The following PPFIA2 variants were observed in gnomAD, a reference collection of about 807,000 sequenced individuals.
The protein encoded by PPFIA2 is liprin-alpha-2.
Under a neutral mutation model 175.5 loss-of-function variants are expected in PPFIA2, and 46 were observed. The observed-to-expected ratio is 0.26, with a 90% confidence interval of 0.21 to 0.34. The LOEUF (loss-of-function observed/expected upper bound fraction) is 0.34. Ranked by LOEUF, PPFIA2 falls within the 10% of genes least tolerant of loss-of-function variation. The probability of loss-of-function intolerance (pLI) is 1.00; values close to 1 mark genes in which losing one functional copy is unlikely to be tolerated. For synonymous variants in PPFIA2, 568 were observed against 511.4 expected, an observed-to-expected ratio of 1.11 and a Z score of -1.49; for missense variants, 1,179 against 1,506.1, an observed-to-expected ratio of 0.78 and a Z score of 3.60.
intron 4 of PPFIA2, among the ~76,000 whole-genome samples, chr12:81,624,149 T>C (rs910158695): frequency 2.0e-5 from 3 of 151,842 alleles, no homozygotes; most frequent in Admixed American, 2.0e-4. Flanking sequence ...ATGCTCTTCT[T>C]AGAGTAGTTG....
Position 81,758,421 on chromosome 12 carries a change from C to A in PPFIA2, c.-24G>T. 1 of 456,528 alleles carries A rather than the reference C, an allele frequency of 2.2e-6. No individual in the cohort carries two copies. The highest frequency in any genetic ancestry group is 1.5e-5 in the South Asian group (1 of 64,558). 28.3% of individuals were successfully genotyped at this position (456,528 alleles called of 1,614,324 possible). A position where few individuals can be genotyped will look rare whatever the true frequency, so the allele number is the denominator to read the frequency against. ...GTACCTAATGTCTGTGATTTCGGGT[C>A]CTTGCTTCTTCAATTGATCAATGAC... On this transcript the variant is annotated 5_prime_UTR_variant, in exon 2 of 33. Coordinates refer to ENST00000549396, the MANE Select transcript of PPFIA2 (RefSeq NM_003625.5).
intron 3 of PPFIA2, among the ~76,000 whole-genome samples, chr12:81,689,124 T>TAA (rs78936066): frequency 5.1e-4 from 76 of 149,852 alleles, no homozygotes; most frequent in East Asian, 7.9e-4. Flanking sequence ...ATCTTAAATT[T>TAA]AAAAAAAAAC....
intron 4 of PPFIA2, among the ~76,000 whole-genome samples, chr12:81,648,383 C>G (rs2066489692): frequency 6.6e-6 from 1 of 151,828 alleles, no homozygotes; most frequent in South Asian, 2.1e-4. Flanking sequence ...ATAGTGTATA[C>G]AGTAAGATTG....
chr12:81,463,232 CAG>C (rs1412565640), intron 4 of PPFIA2, among the ~76,000 whole-genome samples: 1 of 151,978 alleles, frequency 6.6e-6, no homozygotes, highest in Non-Finnish European at 1.5e-5. Flanking sequence ...AGGTAAGAAA[CAG>C]AATACAATGT....
chr12:81,587,203 G>T (rs1230726639), intron 4 of PPFIA2, among the ~76,000 whole-genome samples: 2 of 151,968 alleles, frequency 1.3e-5, no homozygotes, highest in Non-Finnish European at 2.9e-5. Flanking sequence ...CATGTAGAGG[G>T]AAGGACCTGT....
rs568915056 is a variant in PPFIA2 at position 81,268,162 on chromosome 12, G to A, written c.3311-75C>T. 1.1e-4 allele frequency: 104 copies of A among 988,884 alleles called. 2 individuals are homozygous for A. The South Asian group carries it at 1.6e-3, about 15-fold the overall frequency. The allele number at this position is 988,884 out of a possible 1,614,324, so 61.3% of individuals were successfully genotyped here. ...TTTTTTTTTTTTTTTTTTTTGAGAC[G>A]GAGACTCGCTCTGTCGCCCAGGCTG... On this transcript the variant is annotated intron_variant, in intron 28 of 32. Coordinates refer to ENST00000549396, the MANE Select transcript of PPFIA2 (RefSeq NM_003625.5).
intron 27 of PPFIA2, among the ~76,000 whole-genome samples, chr12:81,280,697 C>G (rs1212173496): frequency 6.6e-6 from 1 of 152,034 alleles, no homozygotes; most frequent in East Asian, 1.9e-4. Flanking sequence ...AAGACATTGC[C>G]TTTTGTTCAA....
intron 4 of PPFIA2, among the ~76,000 whole-genome samples, chr12:81,594,412 T>TGG (rs1167681406): frequency 1.3e-5 from 2 of 152,154 alleles, no homozygotes; most frequent in Non-Finnish European, 2.9e-5. Context: ...TAAATAAATA[T>TGG]ATCTTAAACA....
intron 3 of PPFIA2, among the ~76,000 whole-genome samples, chr12:81,735,644 A>G (rs187283834): frequency 6.6e-6 from 1 of 151,836 alleles, no homozygotes; most frequent in East Asian, 1.9e-4. Flanking sequence ...GCCATGTTTA[A>G]GAAATATTTG....
At chr12:81,268,420 G>A (rs1013183226) in intron 28 of PPFIA2, among the ~76,000 whole-genome samples, 2 of 152,180 alleles carry the variant, frequency 1.3e-5, no homozygotes, top group Non-Finnish European at 2.9e-5. Flanking sequence ...TTACAGGCGT[G>A]AGCCACCGCG....
intron 4 of PPFIA2, among the ~76,000 whole-genome samples, chr12:81,656,598 TAAAGG>T (rs974421691): frequency 1.1e-4 from 16 of 152,100 alleles, no homozygotes; most frequent in African/African-American, 3.6e-4. Context: ...TAATCTGTGA[TAAAGG>T]AAAGAAAAAT....
rs535485036 is a variant in PPFIA2 at position 81,282,905 on chromosome 12, G to T, written c.3018+105C>A. 2,694 of 934,134 alleles carry T rather than the reference G, an allele frequency of 2.9e-3. 47 individuals are homozygous for T. The highest frequency in any genetic ancestry group is 6.1e-4 in the Non-Finnish European group (359 of 587,578). 57.9% of individuals were successfully genotyped at this position (934,134 alleles called of 1,614,324 possible). ...CCTATACACATCAGCCTAATATTGA[G>T]CTAAGTGAAGGTTTACAATATTATG... On this transcript the variant is annotated intron_variant, in intron 26 of 32. Coordinates refer to ENST00000549396, the MANE Select transcript of PPFIA2 (RefSeq NM_003625.5).
chr12:81,418,960 GA>G (rs1001387124), intron 7 of PPFIA2, among the ~76,000 whole-genome samples: 33 of 151,282 alleles, frequency 2.2e-4, no homozygotes, highest in African/African-American at 4.4e-4. Context: ...AGAGAACACA[GA>G]AAAAAAACAG....
At chr12:81,747,532 G>A (rs139321009) in intron 3 of PPFIA2, among the ~76,000 whole-genome samples, 97 of 143,948 alleles carry the variant, frequency 6.7e-4, no homozygotes, top group African/African-American at 2.2e-3. Flanking sequence ...AGATAATGAT[G>A]ACAATATCTA....
intron 22 of PPFIA2, among the ~76,000 whole-genome samples, chr12:81,308,102 TTAAA>T (rs1194309293): frequency 6.6e-6 from 1 of 152,214 alleles, no homozygotes; most frequent in Non-Finnish European, 1.5e-5. Context: ...CTAAATATAA[TTAAA>T]TAAATTGCAT....
At chr12:81,422,420 T>C (rs1375799026) in intron 7 of PPFIA2, among the ~76,000 whole-genome samples, 1 of 152,030 alleles carries the variant, frequency 6.6e-6, no homozygotes, top group African/African-American at 2.4e-5. Context: ...AAAAGGATTG[T>C]CTTAAGGGCA....
chr12:81,576,841 A>AT (rs1331303914), intron 4 of PPFIA2, among the ~76,000 whole-genome samples: 2 of 151,470 alleles, frequency 1.3e-5, no homozygotes, highest in African/African-American at 4.8e-5. Context: ...TATTCCCTGT[A>AT]TTTTTTTTGG....
At chr12:81,491,861 T>C (rs2059450959) in intron 4 of PPFIA2, among the ~76,000 whole-genome samples, 1 of 152,058 alleles carries the variant, frequency 6.6e-6, no homozygotes, top group Non-Finnish European at 1.5e-5. Flanking sequence ...AGGAACACTC[T>C]GCTTCAGGGA....
At chr12:81,406,676 T>G (rs1275789051) in intron 7 of PPFIA2, among the ~76,000 whole-genome samples, 1 of 152,066 alleles carries the variant, frequency 6.6e-6, no homozygotes, top group Admixed American at 6.6e-5. Flanking sequence ...TAAATATATA[T>G]ATATATATCA....
Sources: gnomAD v4.1 joint callset for allele counts (sites outside exome capture counted in the v4.1 genomes callset) on GRCh38, gnomAD v4.1.1 for gene constraint, MANE v1.5 for transcripts, NCBI Gene and HGNC (gene_info 2026-07-23, HGNC 2026-07-21) for gene names.